The following KIF26B variants were observed in gnomAD, a reference collection of about 807,000 sequenced individuals.
KIF26B encodes the protein kinesin-like protein KIF26B.
In KIF26B, 63 loss-of-function variants were observed where a neutral mutation model predicts 151.2. The ratio of observed to expected loss-of-function variants is 0.42; its 90% CI spans 0.34 to 0.51. The LOEUF is 0.51. Ranked by LOEUF, KIF26B falls within the 20% of genes least tolerant of loss-of-function variation. The pLI, the probability that KIF26B is intolerant of heterozygous loss-of-function variation, is 0.07. For missense variants in KIF26B, 2,813 were observed against 2,913.6 expected (o/e 0.97, Z 0.79); for synonymous variants, 1,357 against 1,262.1 (o/e 1.08, Z -1.59).
At chr1:245,190,373 T>C (rs1458507220) in intron 2 of KIF26B, among the ~76,000 whole-genome samples, 3 of 152,158 alleles carry the variant, frequency 2.0e-5, no homozygotes, top group Non-Finnish European at 4.4e-5. Flanking sequence ...CCATTTGGTT[T>C]GTAATCTTTC....
chr1:245,287,492 C>CT lies in KIF26B; in HGVS notation c.466-79341dup, dbSNP rs1217976453. Among the ~76,000 whole-genome samples, 232 of 136,490 alleles carry CT rather than the reference C, an allele frequency of 1.7e-3. 1 individual carries two copies. In the East Asian group the frequency reaches 0.026, roughly 15 times the overall value. 89.5% of individuals were successfully genotyped at this position (136,490 alleles called of 152,430 possible). ...GAGGGTCCCTGTGTGTCTCATCTCT[C>CT]TCTCTCTTTTTTTTTTTTTTTTTTT... On this transcript the variant is annotated intron_variant, in intron 2 of 14. Coordinates refer to ENST00000407071, the MANE Select transcript of KIF26B (RefSeq NM_018012.4).
rs768931508 is a variant in KIF26B, at chr1:245,687,493, G to A, written c.4510G>A (p.Asp1504Asn). ...SGEVSASPVT[D>N]NFRRVVDGCE... ...AGAGGTGTCGGCCTCCCCGGTCACTGACAACTTCAGGAGGGTCGTGGATGG... is the reference window on the plus strand; with the variant it reads ...AGAGGTGTCGGCCTCCCCGGTCACTAACAACTTCAGGAGGGTCGTGGATGG... The change falls in exon 12 of 15, where the codon GAC becomes AAC. Residue 1504 changes from aspartate to asparagine, a missense_variant. Coordinates refer to ENST00000407071, the MANE Select transcript of KIF26B (RefSeq NM_018012.4). This position sits in a 1 kb window ranked among gnomAD's most constrained non-coding sequence, Gnocchi z 4.9. 1 of 1,581,616 alleles carries A rather than the reference G, an allele frequency of 6.3e-7. No individual in the cohort carries two copies. The highest frequency in any genetic ancestry group is 1.3e-5 in the African/African-American group (1 of 74,358).
intron 4 of KIF26B, among the ~76,000 whole-genome samples, chr1:245,522,077 G>T (rs955576665): frequency 6.6e-6 from 1 of 152,106 alleles, no homozygotes; most frequent in Non-Finnish European, 1.5e-5. Flanking sequence ...CACCGTGTTA[G>T]CCAGGATGGT....
chr1:245,183,576 A>T (rs954610467), intron 2 of KIF26B, among the ~76,000 whole-genome samples: 5 of 152,216 alleles, frequency 3.3e-5, no homozygotes, highest in African/African-American at 9.6e-5. Flanking sequence ...CTAACAAAGC[A>T]TATGTAGTGG....
chr1:245,248,707 C>T (rs145948023), intron 2 of KIF26B, among the ~76,000 whole-genome samples: 17 of 152,298 alleles, frequency 1.1e-4, no homozygotes, highest in African/African-American at 2.6e-4. Flanking sequence ...ATTATCCCCA[C>T]GGTAGTTTAA....
At chr1:245,509,015 A>G (rs1044621746) in intron 4 of KIF26B, among the ~76,000 whole-genome samples, 5 of 152,224 alleles carry the variant, frequency 3.3e-5, no homozygotes, top group Non-Finnish European at 7.3e-5. Flanking sequence ...TGTGAAATGG[A>G]GGTAGATGTT....
At chr1:245,298,615 G>A (rs1357653962) in intron 2 of KIF26B, among the ~76,000 whole-genome samples, 3 of 152,208 alleles carry the variant, frequency 2.0e-5, no homozygotes, top group Non-Finnish European at 4.4e-5. Context: ...TCATGCTCTT[G>A]AATAGTACAC....
At chr1:245,409,095 A>AC (rs1216313848) in intron 3 of KIF26B, among the ~76,000 whole-genome samples, 2 of 151,986 alleles carry the variant, frequency 1.3e-5, no homozygotes, top group African/African-American at 4.8e-5. Flanking sequence ...CGCTGAAAAC[A>AC]CCCCCCAAAA....
chr1:245,493,730 A>G (rs1202377094), intron 4 of KIF26B, among the ~76,000 whole-genome samples: 3 of 152,200 alleles, frequency 2.0e-5, no homozygotes, highest in Non-Finnish European at 4.4e-5. Context: ...TAGAGAGTGG[A>G]GAAGGTGCTT....
intron 4 of KIF26B, among the ~76,000 whole-genome samples, chr1:245,494,358 A>G (rs1480334741): frequency 6.6e-6 from 1 of 152,154 alleles, no homozygotes; most frequent in Non-Finnish European, 1.5e-5. Context: ...GCCAGGAGAA[A>G]AGGCGCTAGG....
At chr1:245,613,015 G>A (rs1213320553) in intron 9 of KIF26B, among the ~76,000 whole-genome samples, 2 of 152,172 alleles carry the variant, frequency 1.3e-5, no homozygotes, top group Non-Finnish European at 2.9e-5. Context: ...TGGACCAGGG[G>A]CAAAGTGGTC....
chr1:245,657,034 G>C (rs1472633567), intron 10 of KIF26B, among the ~76,000 whole-genome samples: 1 of 152,174 alleles, frequency 6.6e-6, no homozygotes, highest in South Asian at 2.1e-4. Flanking sequence ...CGGCTTTTAA[G>C]AGACTTTATG....
chr1:245,220,213 C>T (rs1349629972), intron 2 of KIF26B, among the ~76,000 whole-genome samples: 16 of 152,168 alleles, frequency 1.1e-4, no homozygotes, highest in African/African-American at 3.1e-4. Flanking sequence ...CTTGTTTCCC[C>T]TTTGACAGTT....
At chr1:245,656,052 T>C (rs2044069443) in intron 10 of KIF26B, among the ~76,000 whole-genome samples, 1 of 152,204 alleles carries the variant, frequency 6.6e-6, no homozygotes. Context: ...GAGAAATGTA[T>C]AGCAGAAATC....
In KIF26B at chr1:245,170,965, C is replaced by T. The variant is rs1242484715; in HGVS notation, c.465+14282C>T. Among the ~76,000 whole-genome samples, 1 of 152,174 alleles carries T rather than the reference C, an allele frequency of 6.6e-6. No individual in the cohort carries two copies. Among genetic ancestry groups the T allele is most frequent in the African/African-American group, 2.4e-5 (1 of 41,416 alleles). ...TCTCCATTATTTGGTGAGATGGTAA[C>T]ATGTGATTACATCCCAATGGAGTTG... On this transcript the variant is annotated intron_variant, in intron 2 of 14. Transcript: ENST00000407071. The surrounding 1 kb of genome is among the most constrained non-coding windows in gnomAD (Gnocchi z 4.4).
chr1:245,208,678 A>G (rs1177631873), intron 2 of KIF26B, among the ~76,000 whole-genome samples: 1 of 152,222 alleles, frequency 6.6e-6, no homozygotes, highest in Non-Finnish European at 1.5e-5. Flanking sequence ...CAACATCTCC[A>G]GGTGGAGCTG....
intron 5 of KIF26B, 147 bp downstream of exon 5, chr1:245,541,097 T>A: frequency 1.5e-6 from 1 of 683,838 alleles, no homozygotes; most frequent in Non-Finnish European, 2.4e-6. Context: ...TTGAAAGTCC[T>A]GAAAATTGTC....
intron 4 of KIF26B, among the ~76,000 whole-genome samples, chr1:245,499,242 G>A (rs1292778970): frequency 6.6e-6 from 1 of 151,678 alleles, no homozygotes; most frequent in Non-Finnish European, 1.5e-5. Flanking sequence ...TAGAATAATA[G>A]TGATGTGTGT....
rs528995805 is a variant in KIF26B at position 245,522,071 on chromosome 1, G to A, written c.1167-18696G>A. 1.8e-3 allele frequency among the ~76,000 whole-genome samples: 272 copies of A among 152,130 alleles called. 1 individual carries two copies. Among genetic ancestry groups the A allele is most frequent in the South Asian group, 0.014 (68 of 4,814 alleles). ...TTTTTAGTAGAGACGGGGTTTCACCGTGTTAGCCAGGATGGTCTCGATCTC... is the reference window on the plus strand; with the variant it reads ...TTTTTAGTAGAGACGGGGTTTCACCATGTTAGCCAGGATGGTCTCGATCTC... On this transcript the variant is annotated intron_variant, in intron 4 of 14. Transcript: ENST00000407071.
Sources: gnomAD v4.1 joint callset for allele counts (sites outside exome capture counted in the v4.1 genomes callset) on GRCh38, gnomAD v4.1.1 for gene constraint, Gnocchi (gnomAD v3.1) non-coding constraint, MANE v1.5 for transcripts, NCBI Gene and HGNC (gene_info 2026-07-23, HGNC 2026-07-21) for gene names.